ALK: variants seen among roughly 807,000 people sequenced by gnomAD.
ALK encodes the protein ALK tyrosine kinase receptor.
In ALK, 74 loss-of-function variants were observed where a neutral mutation model predicts 163.1. The observed-to-expected ratio is 0.45, with a 90% confidence interval of 0.38 to 0.55. The LOEUF is 0.55. Ranked by LOEUF, ALK falls within the 20% of genes least tolerant of loss-of-function variation. The pLI is 0.00. For synonymous variants in ALK, 960 were observed against 843.2 expected, an observed-to-expected ratio of 1.14 and a Z score of -2.40; for missense variants, 2,063 against 2,105.3, an observed-to-expected ratio of 0.98 and a Z score of 0.39.
At chr2:29,446,914 A>C (rs1055532891) in intron 4 of ALK, among the ~76,000 whole-genome samples, 1 of 152,158 alleles carries the variant, frequency 6.6e-6, no homozygotes, top group South Asian at 2.1e-4. Context: ...GTGGTTTATG[A>C]GCTGTGTGCT....
chr2:29,736,154 G>C (rs72851969), intron 1 of ALK, among the ~76,000 whole-genome samples: 13,104 of 152,024 alleles, frequency 0.086, 1,253 homozygotes, highest in African/African-American at 0.23. Flanking sequence ...AGAGCCATTA[G>C]AGATAATGTT....
In ALK at chr2:29,848,727, C is replaced by A. The variant is rs562091130; in HGVS notation, c.667+71266G>T. Among the ~76,000 whole-genome samples the A allele has an allele frequency of 2.0e-4, 31 of 152,192 alleles. No individual in the cohort carries two copies. In the South Asian group the frequency reaches 6.2e-3, roughly 31 times the overall value. ...CAGGAGGGTGAGGTGGGGGCTATGT[C>A]GCTCTGAAGGCTAGGTGAAGGTCTT... On this transcript the variant is annotated intron_variant, in intron 1 of 28. Coordinates refer to ENST00000389048, the MANE Select transcript of ALK (RefSeq NM_004304.5).
chr2:29,342,877 CTTTTTTT>C (rs57838065), intron 5 of ALK, among the ~76,000 whole-genome samples: 7 of 90,452 alleles, frequency 7.7e-5, no homozygotes, highest in African/African-American at 1.8e-4. Context: ...GCTCAGTGAT[CTTTTTTT>C]TTTTTTTTTT....
intron 1 of ALK, among the ~76,000 whole-genome samples, chr2:29,823,850 C>A (rs1572409094): frequency 3.3e-5 from 5 of 152,302 alleles, no homozygotes; most frequent in Admixed American, 6.5e-5. Flanking sequence ...TTCAAGCCAG[C>A]TGTAGAAATT....
chr2:29,247,248 C>CA (rs1664703476), intron 12 of ALK, among the ~76,000 whole-genome samples: 2 of 152,218 alleles, frequency 1.3e-5, no homozygotes, highest in Admixed American at 6.5e-5. Flanking sequence ...CCTGTGCACA[C>CA]ACCACCACCA....
At chr2:29,343,201 AT>A (rs1362540265) in intron 5 of ALK, among the ~76,000 whole-genome samples, 2 of 134,434 alleles carry the variant, frequency 1.5e-5, no homozygotes, top group East Asian at 2.8e-4. Context: ...TTTTTTTAAA[AT>A]TTAAAAATTT....
intron 5 of ALK, among the ~76,000 whole-genome samples, chr2:29,355,732 C>T (rs531314067): frequency 2.0e-4 from 30 of 152,136 alleles, no homozygotes; most frequent in Non-Finnish European, 4.3e-4. Flanking sequence ...AAACCTAACA[C>T]CCTGAACTCT....
intron 1 of ALK, among the ~76,000 whole-genome samples, chr2:29,848,377 G>T (rs1354863122): frequency 1.3e-5 from 2 of 148,552 alleles, no homozygotes; most frequent in Non-Finnish European, 3.0e-5. Context: ...TAGCAAGTTT[G>T]AGAACCACTG....
chr2:29,710,140 C>T lies in ALK; in HGVS notation c.787+7438G>A, dbSNP rs551720530. ...TTTTATAATGTGGAGTTCCCCTGCA[C>T]ATGCTCTCTTTGCCTGCCACCATGT... On this transcript the variant is annotated intron_variant, in intron 2 of 28. Coordinates refer to ENST00000389048, the MANE Select transcript of ALK (RefSeq NM_004304.5). Among the ~76,000 whole-genome samples the T allele has an allele frequency of 1.2e-4, 18 of 152,162 alleles. No homozygotes were observed. The South Asian group carries it at 1.2e-3, about 11-fold the overall frequency.
chr2:29,467,330 A>G (rs1286514572), intron 4 of ALK, among the ~76,000 whole-genome samples: 1 of 152,124 alleles, frequency 6.6e-6, no homozygotes, highest in Non-Finnish European at 1.5e-5. Flanking sequence ...TAAAAGATAC[A>G]TATTGAATAT....
intron 3 of ALK, among the ~76,000 whole-genome samples, chr2:29,682,632 T>C (rs60624376): frequency 0.012 from 1,825 of 152,252 alleles, 28 homozygotes; most frequent in Middle Eastern, 0.034. Flanking sequence ...AATAATACTT[T>C]ATGTTTGCTT....
At chr2:29,570,480 A>T (rs1674326422) in intron 3 of ALK, among the ~76,000 whole-genome samples, 1 of 152,254 alleles carries the variant, frequency 6.6e-6, no homozygotes, top group African/African-American at 2.4e-5. Context: ...GGGAAACATT[A>T]GAACAGAAAG....
chr2:29,807,393 G>A (rs776909278), intron 1 of ALK, among the ~76,000 whole-genome samples: 1 of 152,226 alleles, frequency 6.6e-6, no homozygotes, highest in East Asian at 1.9e-4. Context: ...CATTGGAATG[G>A]TGGCAGCCCT....
At chr2:29,355,393 C>T (rs146161694) in intron 5 of ALK, among the ~76,000 whole-genome samples, 162 of 152,214 alleles carry the variant, frequency 1.1e-3, no homozygotes, top group African/African-American at 3.5e-3. Flanking sequence ...TCACTTTCTA[C>T]GAGGGTAATT....
At chr2:29,504,953 C>A (rs149420328) in intron 4 of ALK, among the ~76,000 whole-genome samples, 1 of 152,188 alleles carries the variant, frequency 6.6e-6, no homozygotes, top group African/African-American at 2.4e-5. Context: ...TGGGGTGAGT[C>A]CAGGGTGACT....
rs941363122 is a variant in ALK at position 29,217,223 on chromosome 2, A to T, written c.3646-3142T>A. 4.1e-5 allele frequency among the ~76,000 whole-genome samples: 6 copies of T among 144,806 alleles called. No homozygotes were observed. In the East Asian group the frequency reaches 1.3e-3, roughly 30 times the overall value. The allele number at this position is 144,806 out of a possible 152,430, so 95.0% of individuals were successfully genotyped here. A position where few individuals can be genotyped will look rare whatever the true frequency, so the allele number is the denominator to read the frequency against. ...TTTGTGTGTGTTGCATGTTGCATAG[A>T]TGTGTTTTATGTCTGTAGTGTGTGA... On this transcript the variant is annotated intron_variant, in intron 23 of 28. Coordinates refer to ENST00000389048, the MANE Select transcript of ALK (RefSeq NM_004304.5).
intron 4 of ALK, among the ~76,000 whole-genome samples, chr2:29,454,767 T>G (rs2148096043): frequency 6.6e-6 from 1 of 152,270 alleles, no homozygotes; most frequent in African/African-American, 2.4e-5. Flanking sequence ...TACAGAGAGT[T>G]CCTATAAACC....
chr2:29,292,583 G>A (rs555570132), intron 9 of ALK, among the ~76,000 whole-genome samples: 2 of 152,168 alleles, frequency 1.3e-5, no homozygotes, highest in Non-Finnish European at 2.9e-5. Context: ...GTAAAGTAAT[G>A]AGATAATTTT....
chr2:29,750,521 G>A (rs1680327658), intron 1 of ALK, among the ~76,000 whole-genome samples: 1 of 151,852 alleles, frequency 6.6e-6, no homozygotes, highest in African/African-American at 2.4e-5. Context: ...AAATTAGCTG[G>A]GCATGGTGGC....
Sources: allele counts gnomAD v4.1 joint callset (sites outside exome capture counted in the v4.1 genomes callset), GRCh38; gene constraint gnomAD v4.1.1; transcripts MANE v1.5; gene names NCBI Gene and HGNC (gene_info 2026-07-23, HGNC 2026-07-21).